The following STK3 variants were observed in gnomAD, a reference collection of about 807,000 sequenced individuals.
STK3 encodes the protein serine/threonine-protein kinase 3.
A neutral mutation model predicts 58.0 loss-of-function variants in STK3; 41 were observed. The ratio of observed to expected loss-of-function variants is 0.71; its 90% CI spans 0.55 to 0.92. STK3 has a LOEUF of 0.92. Ranked by LOEUF, STK3 falls within the 40% of genes least tolerant of loss-of-function variation. The probability of loss-of-function intolerance (pLI) is 0.00; values close to 1 mark genes in which losing one functional copy is unlikely to be tolerated. For synonymous variants in STK3, 170 were observed against 191.0 expected (o/e 0.89, Z 0.91); for missense variants, 479 against 602.7 (o/e 0.79, Z 2.15).
intron 1 of STK3, among the ~76,000 whole-genome samples, chr8:98,939,092 T>G (rs1328373033): frequency 6.6e-6 from 1 of 152,136 alleles, no homozygotes; most frequent in Non-Finnish European, 1.5e-5. Flanking sequence ...TTCCAAGTAC[T>G]TGAAGGTGCC....
chr8:98,558,311 C>T (rs751555254), intron 8 of STK3, among the ~76,000 whole-genome samples: 3 of 152,020 alleles, frequency 2.0e-5, no homozygotes, highest in Non-Finnish European at 2.9e-5. Flanking sequence ...AACTAACATA[C>T]CATCAATAGC....
At chr8:98,742,296 C>G (rs1829287372) in intron 4 of STK3, among the ~76,000 whole-genome samples, 1 of 151,146 alleles carries the variant, frequency 6.6e-6, no homozygotes, top group South Asian at 2.1e-4. Context: ...AATTTTAGAC[C>G]AATATCCTTG....
Position 98,754,458 on chromosome 8 carries a change from T to C in STK3, c.237-5068A>G, listed in dbSNP as rs74735428. Among the ~76,000 whole-genome samples, 119 of 151,636 alleles carry C rather than the reference T, an allele frequency of 7.8e-4. 2 individuals carry two copies. In the East Asian group the frequency reaches 0.019, roughly 24 times the overall value. On this transcript the variant is annotated intron_variant, in intron 3 of 10. Transcript: ENST00000419617. Reference sequence around the variant, plus strand: ...ATAGACCCAGAGTTAAGCTTCACTCTACCAGTGAATAGACTGTATATCCTT... The same window carrying C: ...ATAGACCCAGAGTTAAGCTTCACTCCACCAGTGAATAGACTGTATATCCTT...
At chr8:98,443,149 A>G (rs1197267710) in intron 1 of STK3, among the ~76,000 whole-genome samples, 1 of 152,202 alleles carries the variant, frequency 6.6e-6, no homozygotes, top group African/African-American at 2.4e-5. Context: ...GACAATAGAG[A>G]AACTCATGTC....
At chr8:98,917,223 T>C (rs1839377665) in intron 1 of STK3, among the ~76,000 whole-genome samples, 1 of 152,212 alleles carries the variant, frequency 6.6e-6, no homozygotes, top group African/African-American at 2.4e-5. Context: ...CAATAGGCAC[T>C]TAACAAATAT....
At chr8:98,744,580 T>G (rs1587494040) in intron 4 of STK3, among the ~76,000 whole-genome samples, 2 of 92,604 alleles carry the variant, frequency 2.2e-5, no homozygotes, top group South Asian at 8.8e-4. Flanking sequence ...TGGGGACTGT[T>G]GTGGGGTGGG....
chr8:98,706,660 AT>A (rs770395544), intron 5 of STK3, 26 bp from the exon 6 acceptor site: 8 of 1,523,830 alleles, frequency 5.2e-6, no homozygotes, highest in Non-Finnish European at 7.0e-6. Flanking sequence ...ATAGCCATAA[AT>A]GCTACTACAA....
intron 6 of STK3, among the ~76,000 whole-genome samples, chr8:98,614,106 T>C (rs1389480312): frequency 1.3e-5 from 2 of 152,172 alleles, no homozygotes; most frequent in East Asian, 3.8e-4. Flanking sequence ...GAAATGTCAA[T>C]ATCCTCTAAC....
intron 6 of STK3, among the ~76,000 whole-genome samples, chr8:98,702,889 T>C (rs1012103975): frequency 2.6e-5 from 4 of 152,338 alleles, no homozygotes; most frequent in African/African-American, 9.6e-5. Flanking sequence ...TAGATAGCCA[T>C]GTATATGTAG....
rs987449156 is a variant in STK3 at position 98,442,630 on chromosome 8, A to G, written n.186-5422T>C. 7.2e-5 allele frequency among the ~76,000 whole-genome samples: 11 copies of G among 152,246 alleles called. No homozygotes were observed. In the South Asian group the frequency reaches 2.3e-3, roughly 32 times the overall value. On this transcript the variant is annotated intron_variant and non_coding_transcript_variant, in intron 1 of 3. Coordinates refer to the STK3 transcript ENST00000517832. The stretch of plus-strand genomic sequence containing the variant: ...AACTCGTTCCTCAGTGTTGCGGCTT[A>G]GCAGCATTACGAATAATATCATTTC...
chr8:98,725,851 C>T (rs1827761691), intron 4 of STK3, among the ~76,000 whole-genome samples: 1 of 152,082 alleles, frequency 6.6e-6, no homozygotes, highest in Admixed American at 6.6e-5. Flanking sequence ...CAAGAAAACA[C>T]TGATGTAGGT....
intron 10 of STK3, among the ~76,000 whole-genome samples, chr8:98,525,210 A>T (rs975855374): frequency 1.3e-5 from 2 of 152,196 alleles, no homozygotes; most frequent in African/African-American, 4.8e-5. Flanking sequence ...TATAAGTAGG[A>T]GCTAAACAAT....
upstream of STK3, among the ~76,000 whole-genome samples, chr8:98,390,625 T>C (rs1042941402): frequency 6.6e-6 from 1 of 152,178 alleles, no homozygotes; most frequent in Non-Finnish European, 1.5e-5. Flanking sequence ...TGTTTTTTGT[T>C]TTTTTCCAGC....
Position 98,778,472 on chromosome 8 carries a change from C to T in STK3, c.27-3653G>A, listed in dbSNP as rs540100559. 1.8e-3 allele frequency among the ~76,000 whole-genome samples: 273 copies of T among 152,152 alleles called. 2 individuals are homozygous for T. Among genetic ancestry groups the T allele is most frequent in the African/African-American group, 6.2e-3 (258 of 41,466 alleles). On this transcript the variant is annotated intron_variant, in intron 1 of 10. Transcript: ENST00000419617. Reference sequence around the variant, plus strand: ...TCAACCATTGTGGAAGACAGTGTGGCGATTCCTCAGGGATCTAGAACTAGA... The same window carrying T: ...TCAACCATTGTGGAAGACAGTGTGGTGATTCCTCAGGGATCTAGAACTAGA...
chr8:98,551,384 C>T (rs919249862), intron 8 of STK3, among the ~76,000 whole-genome samples: 7 of 152,124 alleles, frequency 4.6e-5, no homozygotes, highest in Non-Finnish European at 1.0e-4. Flanking sequence ...CACTAAAGTG[C>T]TTCATTCAGT....
At chr8:98,537,245 G>A (rs1280878237) in intron 9 of STK3, among the ~76,000 whole-genome samples, 1 of 151,996 alleles carries the variant, frequency 6.6e-6, no homozygotes, top group Non-Finnish European at 1.5e-5. Context: ...TTAAAACCTA[G>A]TATTAACATT....
chr8:98,440,814 T>C (rs1025750238), intron 1 of STK3, among the ~76,000 whole-genome samples: 24 of 152,206 alleles, frequency 1.6e-4, no homozygotes, highest in African/African-American at 5.3e-4. Flanking sequence ...TCTAGTATAA[T>C]TTTCACTGGT....
intron 10 of STK3, among the ~76,000 whole-genome samples, chr8:98,516,408 C>A (rs1027778498): frequency 2.0e-5 from 3 of 151,962 alleles, no homozygotes; most frequent in African/African-American, 7.2e-5. Context: ...CTACTAGACA[C>A]CCAAGGGTTA....
At chr8:98,910,526 T>C (rs17373806) in intron 1 of STK3, among the ~76,000 whole-genome samples, 5,735 of 152,326 alleles carry the variant, frequency 0.038, 131 homozygotes, top group Middle Eastern at 0.065. Context: ...TGTGATCAAC[T>C]TTGTAAGGAC....
Sources: allele counts gnomAD v4.1 joint callset (sites outside exome capture counted in the v4.1 genomes callset), GRCh38; gene constraint gnomAD v4.1.1; transcripts MANE v1.5; gene names NCBI Gene and HGNC (gene_info 2026-07-23, HGNC 2026-07-21).